ASAP2: variants seen among roughly 807,000 people sequenced by gnomAD.
The protein encoded by ASAP2 is ArfGAP with SH3 domain, ankyrin repeat and PH domain 2.
A neutral mutation model predicts 131.4 loss-of-function variants in ASAP2; 45 were observed. That is an observed-to-expected ratio of 0.34 (90% CI 0.27 to 0.44). The LOEUF is 0.44. Ranked by LOEUF, ASAP2 falls within the 20% of genes least tolerant of loss-of-function variation. The probability of loss-of-function intolerance (pLI) is 1.00; values close to 1 mark genes in which losing one functional copy is unlikely to be tolerated. For missense variants in ASAP2, 1,011 were observed against 1,297.0 expected (o/e 0.78, Z 3.39); for synonymous variants, 510 against 503.0 (o/e 1.01, Z -0.19).
At chr2:9,255,678 G>T (rs1665104564) in intron 1 of ASAP2, among the ~76,000 whole-genome samples, 1 of 152,228 alleles carries the variant, frequency 6.6e-6, no homozygotes. Flanking sequence ...GGAGTCGGGG[G>T]CAGAGCTGGT....
chr2:9,403,516 A>G lies in ASAP2; in HGVS notation c.*189A>G. The stretch of plus-strand genomic sequence containing the variant: ...ATTGTTTTTATAATTTGTGGTTTTC[A>G]TGAAACATTGCTATGCATTTATTAG... On this transcript the variant is annotated 3_prime_UTR_variant, in exon 28 of 28. Coordinates refer to ENST00000281419, the MANE Select transcript of ASAP2 (RefSeq NM_003887.3). The G allele has an allele frequency of 1.8e-6, 1 of 562,598 alleles. No homozygotes were observed. The highest frequency in any genetic ancestry group is 3.1e-6 in the Non-Finnish European group (1 of 322,942). The allele number at this position is 562,598 out of a possible 1,614,324, so 34.9% of individuals were successfully genotyped here.
At chr2:9,242,148 T>C (rs1664016754) in intron 1 of ASAP2, among the ~76,000 whole-genome samples, 1 of 152,162 alleles carries the variant, frequency 6.6e-6, no homozygotes, top group Non-Finnish European at 1.5e-5. Context: ...TGTGCTGGAA[T>C]GAAACTTTTT....
chr2:9,258,254 A>AT (rs1226083335), intron 1 of ASAP2, among the ~76,000 whole-genome samples: 1 of 151,716 alleles, frequency 6.6e-6, no homozygotes, highest in Non-Finnish European at 1.5e-5. Context: ...CAAAAAAAAA[A>AT]AAAAATTTCT....
chr2:9,379,703 T>TA (rs926372154), intron 19 of ASAP2, among the ~76,000 whole-genome samples: 2 of 152,128 alleles, frequency 1.3e-5, no homozygotes, highest in Non-Finnish European at 2.9e-5. Flanking sequence ...TGCTTATCAT[T>TA]AAAAAACTAA....
intron 3 of ASAP2, among the ~76,000 whole-genome samples, chr2:9,316,919 ACACCCCCTCACAAT>A (rs1297117807): frequency 2.3e-5 from 2 of 87,388 alleles, no homozygotes; most frequent in Non-Finnish European, 4.6e-5. Flanking sequence ...CCCCCAACAC[ACACCCCCTCACAAT>A]CACACCCTCA....
rs191500623 is a variant in ASAP2 at position 9,227,578 on chromosome 2, A to G, written c.126+20348A>G. Reference sequence around the variant, plus strand: ...TTTTACAGCTGAGAAACAGCATCACAGAGGTTTAACGGCTCTGTAAAATAA... The same window carrying G: ...TTTTACAGCTGAGAAACAGCATCACGGAGGTTTAACGGCTCTGTAAAATAA... On this transcript the variant is annotated intron_variant, in intron 1 of 27. Coordinates refer to ENST00000281419, the MANE Select transcript of ASAP2 (RefSeq NM_003887.3). 3.3e-5 allele frequency among the ~76,000 whole-genome samples: 5 copies of G among 152,324 alleles called. No individual in the cohort carries two copies. The East Asian group carries it at 9.6e-4, about 29-fold the overall frequency.
At chr2:9,380,662 C>G (rs1674766667) in intron 19 of ASAP2, 79 bp from the exon 20 acceptor site, 2 of 1,344,736 alleles carry the variant, frequency 1.5e-6, no homozygotes, top group East Asian at 4.6e-5. Context: ...CCTTTCTGTT[C>G]CTTTTAAAAA....
chr2:9,341,295 A>T (rs1671558457), intron 9 of ASAP2, among the ~76,000 whole-genome samples: 1 of 152,186 alleles, frequency 6.6e-6, no homozygotes, highest in African/African-American at 2.4e-5. Flanking sequence ...CACCTAGAGG[A>T]TACTGAAGTA....
At chr2:9,396,078 G>A (rs1401825804) in intron 24 of ASAP2, among the ~76,000 whole-genome samples, 3 of 152,082 alleles carry the variant, frequency 2.0e-5, no homozygotes, top group African/African-American at 4.8e-5. Context: ...GCAGGGCAGC[G>A]GCTAAGGCTA....
intron 3 of ASAP2, among the ~76,000 whole-genome samples, chr2:9,307,653 T>C (rs1019490017): frequency 1.3e-5 from 2 of 152,162 alleles, no homozygotes; most frequent in Non-Finnish European, 2.9e-5. Flanking sequence ...CAGTTTTCTC[T>C]CCACTTAGAG....
At chr2:9,360,785 G>T (rs1331328761) in intron 15 of ASAP2, among the ~76,000 whole-genome samples, 1 of 152,152 alleles carries the variant, frequency 6.6e-6, no homozygotes, top group African/African-American at 2.4e-5. Flanking sequence ...GTATATACTT[G>T]TTATTAATGT....
At chr2:9,241,137 G>A (rs2666207) in intron 1 of ASAP2, among the ~76,000 whole-genome samples, 83,498 of 152,112 alleles carry the variant, frequency 0.55, 24,210 homozygotes, top group African/African-American at 0.75. Flanking sequence ...TAAGAGGGTA[G>A]TACTGTATCT....
chr2:9,242,795 A>G (rs78110466), intron 1 of ASAP2, among the ~76,000 whole-genome samples: 3,315 of 152,244 alleles, frequency 0.022, 91 homozygotes, highest in Admixed American at 0.085. Flanking sequence ...CTGGGGAAGC[A>G]TGATGCTGGG....
intron 2 of ASAP2, among the ~76,000 whole-genome samples, chr2:9,286,302 G>T (rs145974356): frequency 2.9e-4 from 44 of 152,142 alleles, no homozygotes; most frequent in African/African-American, 1.1e-3. Context: ...GGAGGGTGAG[G>T]CAGGAAGATT....
chr2:9,379,035 C>A lies in ASAP2; in HGVS notation c.1924C>A (p.Arg642=), dbSNP rs750088370. 1 of 1,572,612 alleles carries A rather than the reference C, an allele frequency of 6.4e-7. No individual in the cohort carries two copies. ...TGCCGAGTGCCTCAAGTTGCTCCTG[C>A]GGGGGAAGGCCTCCATCGAGATAGG... ...DNAECLKLLL[R]GKASIEIANE... Residue 642 remains arginine, a synonymous_variant, in exon 19 of 28, where the codon CGG becomes AGG. Transcript: ENST00000281419.
intron 16 of ASAP2, among the ~76,000 whole-genome samples, chr2:9,373,299 G>A (rs1194252138): frequency 6.6e-6 from 1 of 152,184 alleles, no homozygotes; most frequent in Non-Finnish European, 1.5e-5. Flanking sequence ...CAGGTGGAAC[G>A]GGCACCCTGG....
rs77896360 is a variant in ASAP2 at position 9,224,969 on chromosome 2, G to T, written c.126+17739G>T. On this transcript the variant is annotated intron_variant, in intron 1 of 27. Transcript: ENST00000281419. ...GGAGTCTCACCAAAGGAGGGCATGGGAGGGCTAGCTTGAGTCAAGGTGCGT... is the reference window on the plus strand; with the variant it reads ...GGAGTCTCACCAAAGGAGGGCATGGTAGGGCTAGCTTGAGTCAAGGTGCGT... Among the ~76,000 whole-genome samples the T allele has an allele frequency of 3.6e-3, 544 of 152,338 alleles. 4 individuals carry two copies. Among genetic ancestry groups the T allele is most frequent in the African/African-American group, 0.012 (517 of 41,572 alleles).
At chr2:9,398,527 G>C (rs1026919429) in intron 24 of ASAP2, among the ~76,000 whole-genome samples, 1 of 151,940 alleles carries the variant, frequency 6.6e-6, no homozygotes, top group African/African-American at 2.4e-5. Context: ...AAACACAAAG[G>C]CCAGGCACAG....
intron 1 of ASAP2, among the ~76,000 whole-genome samples, chr2:9,215,089 G>T (rs1341764273): frequency 6.6e-6 from 1 of 152,182 alleles, no homozygotes; most frequent in Admixed American, 6.5e-5. Context: ...CAGGCACCTA[G>T]GCTATATATT....
Sources: allele counts gnomAD v4.1 joint callset (sites outside exome capture counted in the v4.1 genomes callset), GRCh38; gene constraint gnomAD v4.1.1; transcripts MANE v1.5; gene names NCBI Gene and HGNC (gene_info 2026-07-23, HGNC 2026-07-21).